NCALD: variants seen among roughly 807,000 people sequenced by gnomAD.
NCALD encodes the protein neurocalcin-delta.
In NCALD, 10 loss-of-function variants were observed where a neutral mutation model predicts 18.6. The ratio of observed to expected loss-of-function variants is 0.54; its 90% CI spans 0.33 to 0.91. The LOEUF (loss-of-function observed/expected upper bound fraction) is 0.91, where lower values mean the gene tolerates loss of function less well. Among genes scored for constraint, NCALD ranks in the 40% least tolerant of loss-of-function variants. NCALD has a pLI of 0.03. For synonymous variants in NCALD, 88 were observed against 87.4 expected (o/e 1.01, Z -0.04); for missense variants, 184 against 247.6 (o/e 0.74, Z 1.72).
chr8:101,900,405 A>T (rs977950712), intron 3 of NCALD, among the ~76,000 whole-genome samples: 1 of 151,470 alleles, frequency 6.6e-6, no homozygotes, highest in East Asian at 1.9e-4. Flanking sequence ...CTCTTTTTCT[A>T]GTTTCTTAAA....
chr8:101,917,013 AG>A (rs1221106952), intron 2 of NCALD, among the ~76,000 whole-genome samples: 1 of 152,148 alleles, frequency 6.6e-6, no homozygotes, highest in Non-Finnish European at 1.5e-5. Flanking sequence ...AGACATCTAT[AG>A]AATACTCCAT....
chr8:101,692,309 T>C, intron 3 of NCALD: 2 of 985,370 alleles, frequency 2.0e-6, no homozygotes, highest in South Asian at 4.7e-5. Context: ...GAGCCCACTG[T>C]CTCTGGGAAA....
Position 102,013,147 on chromosome 8 carries a change from C to T in NCALD, c.-157+7090G>A, listed in dbSNP as rs1005518622. 5.3e-5 allele frequency among the ~76,000 whole-genome samples: 8 copies of T among 152,252 alleles called. No individual in the cohort carries two copies. The East Asian group carries it at 1.5e-3, about 29-fold the overall frequency. Reference sequence around the variant, plus strand: ...AGAAGGTGATTCTTCTACCTCACTACATCCCTCCATGCTCCCTCAAGGGAG... The same window carrying T: ...AGAAGGTGATTCTTCTACCTCACTATATCCCTCCATGCTCCCTCAAGGGAG... On this transcript the variant is annotated intron_variant, in intron 2 of 6. Coordinates refer to the NCALD transcript ENST00000311028.
intron 1 of NCALD, among the ~76,000 whole-genome samples, chr8:101,754,377 C>T (rs1000304988): frequency 1.3e-5 from 2 of 152,146 alleles, no homozygotes; most frequent in African/African-American, 4.8e-5. Context: ...ATGTCATAAA[C>T]TGGGGAACTT....
At chr8:101,918,244 T>G (rs1051409839) in intron 2 of NCALD, among the ~76,000 whole-genome samples, 1 of 152,142 alleles carries the variant, frequency 6.6e-6, no homozygotes, top group Non-Finnish European at 1.5e-5. Context: ...TATGATCATC[T>G]TGATAAACAC....
intron 1 of NCALD, among the ~76,000 whole-genome samples, chr8:101,761,177 T>C (rs1273688477): frequency 1.3e-5 from 2 of 152,136 alleles, no homozygotes; most frequent in Non-Finnish European, 2.9e-5. Flanking sequence ...TGAATCATGA[T>C]GAATTAAGAA....
chr8:101,693,318 GTTTTTTTTTTTTTTTTT>G (rs71276999), intron 2 of NCALD: 2,320 of 60,124 alleles, frequency 0.039, 143 homozygotes, highest in East Asian at 0.26. Flanking sequence ...CACACAGGGC[GTTTTTTTTTTTTTTTTT>G]TTTTTTTTTT....
intron 1 of NCALD, among the ~76,000 whole-genome samples, chr8:102,119,455 G>T (rs1247038712): frequency 6.6e-6 from 1 of 152,244 alleles, no homozygotes; most frequent in African/African-American, 2.4e-5. Context: ...CAGAGTTTCA[G>T]CTGGGCAGGA....
At chr8:101,701,785 C>T (rs1244676364) in intron 2 of NCALD, among the ~76,000 whole-genome samples, 3 of 152,194 alleles carry the variant, frequency 2.0e-5, no homozygotes, top group African/African-American at 7.2e-5. Context: ...TGACAGCAGA[C>T]TACGGACAAC....
intron 2 of NCALD, among the ~76,000 whole-genome samples, chr8:101,972,185 G>C (rs1253113913): frequency 1.3e-5 from 2 of 152,054 alleles, no homozygotes; most frequent in Non-Finnish European, 2.9e-5. Flanking sequence ...CAAGAACACG[G>C]AAAAAAATCA....
intron 1 of NCALD, among the ~76,000 whole-genome samples, chr8:102,024,280 G>A (rs1461676814): frequency 2.0e-5 from 3 of 152,128 alleles, no homozygotes; most frequent in Non-Finnish European, 2.9e-5. Flanking sequence ...GAGTAATTCC[G>A]AATAAAGCAA....
intron 2 of NCALD, among the ~76,000 whole-genome samples, chr8:101,711,263 G>A (rs1010954367): frequency 6.6e-6 from 1 of 152,068 alleles, no homozygotes; most frequent in Non-Finnish European, 1.5e-5. Context: ...TCCAGCCGAA[G>A]GTCACCAACA....
chr8:101,782,668 A>G (rs1812064852), intron 1 of NCALD, among the ~76,000 whole-genome samples: 1 of 152,160 alleles, frequency 6.6e-6, no homozygotes, highest in Non-Finnish European at 1.5e-5. Flanking sequence ...ATGCTTCTCA[A>G]TGAAGGATTA....
intron 1 of NCALD, among the ~76,000 whole-genome samples, chr8:101,772,262 A>G (rs888868861): frequency 6.6e-6 from 1 of 152,216 alleles, no homozygotes; most frequent in Non-Finnish European, 1.5e-5. Flanking sequence ...ATTAAGAAAC[A>G]TGCTAACTTT....
At chr8:101,842,491 A>G (rs1266776566) in intron 4 of NCALD, among the ~76,000 whole-genome samples, 1 of 152,200 alleles carries the variant, frequency 6.6e-6, no homozygotes, top group Non-Finnish European at 1.5e-5. Context: ...TGTGCTAACA[A>G]TGTTGGTTGA....
chr8:101,727,903 A>T (rs1220247266), intron 1 of NCALD, among the ~76,000 whole-genome samples: 1 of 152,110 alleles, frequency 6.6e-6, no homozygotes, highest in Non-Finnish European at 1.5e-5. Context: ...GTGACTGCGC[A>T]CCCTTTTCTA....
At chr8:101,872,469 T>C in intron 4 of NCALD, 1 of 891,222 alleles carries the variant, frequency 1.1e-6, no homozygotes, top group Admixed American at 1.7e-5. Context: ...CTTCTGATTC[T>C]TTTATACTTT....
At chr8:101,876,919 C>A (rs1816251400) in intron 4 of NCALD, among the ~76,000 whole-genome samples, 1 of 152,124 alleles carries the variant, frequency 6.6e-6, no homozygotes. Context: ...ACTTCCAGTA[C>A]AAAGCAAAAG....
chr8:101,762,861 C>A (rs1811173480), intron 1 of NCALD, among the ~76,000 whole-genome samples: 3 of 152,168 alleles, frequency 2.0e-5, no homozygotes, highest in Admixed American at 2.0e-4. Context: ...CATGAGCCAC[C>A]ACGCCCAGCC....
Sources: allele counts gnomAD v4.1 joint callset (sites outside exome capture counted in the v4.1 genomes callset), GRCh38; gene constraint gnomAD v4.1.1; transcripts MANE v1.5; gene names NCBI Gene and HGNC (gene_info 2026-07-23, HGNC 2026-07-21).